Variants in CHRM2 observed in about 807,000 individuals in gnomAD.
CHRM2 encodes the protein cholinergic receptor muscarinic 2, also known as muscarinic acetylcholine receptor M2.
In CHRM2, 8 loss-of-function variants were observed where a neutral mutation model predicts 25.0. The observed-to-expected ratio is 0.32, with a 90% CI of 0.19 to 0.58. CHRM2 has a LOEUF of 0.58. Among genes scored for constraint, CHRM2 ranks in the 20% least tolerant of loss-of-function variants. The pLI is 0.88. For missense variants in CHRM2, 440 were observed against 567.1 expected (o/e 0.78, Z 2.28); for synonymous variants, 202 against 205.7 (o/e 0.98, Z 0.15).
rs965991873 is a variant in CHRM2, at chr7:136,949,801, G to A, written c.-124-42386G>A. ...GTTGCCCAGGCTGGAGTGCAGTGGCGCGATCTCGGCTCACTGCAAGCTCCA... is the reference window on the plus strand; with the variant it reads ...GTTGCCCAGGCTGGAGTGCAGTGGCACGATCTCGGCTCACTGCAAGCTCCA... On this transcript the variant is annotated intron_variant, in intron 2 of 3. Coordinates refer to ENST00000680005, the MANE Select transcript of CHRM2 (RefSeq NM_001006630.2). 5.3e-5 allele frequency among the ~76,000 whole-genome samples: 8 copies of A among 151,560 alleles called. 1 individual carries two copies. Among genetic ancestry groups the A allele is most frequent in the East Asian group, 3.9e-4 (2 of 5,158 alleles).
At chr7:136,938,352 C>CA in intron 2 of CHRM2, 1 of 1,580,108 alleles carries the variant, frequency 6.3e-7, no homozygotes. Flanking sequence ...TCTGCTGCTG[C>CA]AGGAGGCTCC....
In CHRM2 at chr7:136,917,829, A is replaced by G. The variant is rs544857247; in HGVS notation, c.-125+48411A>G. ...CTTATTGGGTAGGCTTATTAGGGTA[A>G]AGGAGTAGTTGGAATCTAGCCTAAA... On this transcript the variant is annotated intron_variant, in intron 2 of 3. Coordinates refer to ENST00000680005, the MANE Select transcript of CHRM2 (RefSeq NM_001006630.2). Among the ~76,000 whole-genome samples, 8 of 152,128 alleles carry G rather than the reference A, an allele frequency of 5.3e-5. No individual in the cohort carries two copies. In the South Asian group the frequency reaches 1.7e-3, roughly 32 times the overall value.
chr7:136,871,473 A>G (rs1045751918), intron 2 of CHRM2: 3 of 152,816 alleles, frequency 2.0e-5, no homozygotes, highest in East Asian at 1.9e-4. Flanking sequence ...GCGTCTCCCA[A>G]TGAGAGGGCT....
rs1805346311 is a variant in CHRM2 at position 137,019,899 on chromosome 7, G to A, written c.*3633G>A. ...ATGATGGCAACAATTACTCAGCAAT[G>A]CAGTCTGTTTTTATTTTCTCCTACT... On this transcript the variant is annotated 3_prime_UTR_variant, in exon 4 of 4. Coordinates refer to ENST00000680005, the MANE Select transcript of CHRM2 (RefSeq NM_001006630.2). 1 of 151,962 alleles carries A rather than the reference G, an allele frequency of 6.6e-6. No homozygotes were observed. The highest frequency in any genetic ancestry group is 2.1e-4 in the South Asian group (1 of 4,824). The allele number at this position is 151,962 out of a possible 1,614,324, so 9.4% of individuals were successfully genotyped here.
intron 2 of CHRM2, among the ~76,000 whole-genome samples, chr7:136,911,550 T>C (rs887480474): frequency 6.6e-6 from 1 of 151,936 alleles, no homozygotes; most frequent in Non-Finnish European, 1.5e-5. Context: ...AACCTTGGGC[T>C]GTATCTTCAC....
chr7:136,933,617 T>A (rs1799238800), intron 2 of CHRM2, among the ~76,000 whole-genome samples: 1 of 152,176 alleles, frequency 6.6e-6, no homozygotes, highest in Admixed American at 6.5e-5. Flanking sequence ...TGTTTGTACA[T>A]GAATGTTCAC....
At chr7:136,925,056 T>C (rs1416484725) in intron 2 of CHRM2, among the ~76,000 whole-genome samples, 2 of 152,204 alleles carry the variant, frequency 1.3e-5, no homozygotes, top group African/African-American at 4.8e-5. Flanking sequence ...TAATATAAGC[T>C]ATGATCCTTC....
intron 2 of CHRM2, among the ~76,000 whole-genome samples, chr7:136,894,574 G>A (rs530648004): frequency 2.0e-5 from 3 of 152,208 alleles, no homozygotes; most frequent in East Asian, 3.9e-4. Flanking sequence ...GTTTCGCCAT[G>A]TTGGCCAGGC....
intron 2 of CHRM2, among the ~76,000 whole-genome samples, chr7:136,921,794 C>CTTT (rs398006503): frequency 4.3e-5 from 5 of 116,532 alleles, no homozygotes; most frequent in African/African-American, 5.6e-5. Flanking sequence ...TTCTTTCTTT[C>CTTT]TTTTTTTTGA....
intron 2 of CHRM2, among the ~76,000 whole-genome samples, chr7:136,955,171 TCTC>T (rs1800648861): frequency 6.6e-6 from 1 of 152,144 alleles, no homozygotes; most frequent in Non-Finnish European, 1.5e-5. Flanking sequence ...AATATTCACC[TCTC>T]CTCCTTCTTT....
chr7:136,921,790 C>CTTTTTTTTTTTTTTTTTTTTTTTT (rs201063228), intron 2 of CHRM2, among the ~76,000 whole-genome samples: 27 of 114,058 alleles, frequency 2.4e-4, no homozygotes, highest in Admixed American at 4.5e-4. Context: ...TTCTTTCTTT[C>CTTTTTTTTTTTTTTTTTTTTTTTT]TTTCTTTTTT....
At chr7:136,937,732 T>C (rs1451242505) in intron 2 of CHRM2, among the ~76,000 whole-genome samples, 1 of 152,210 alleles carries the variant, frequency 6.6e-6, no homozygotes, top group Non-Finnish European at 1.5e-5. Context: ...TTTCTTGTGA[T>C]TGACATAAAT....
chr7:137,011,498 G>A (rs1804825215), intron 3 of CHRM2, among the ~76,000 whole-genome samples: 1 of 152,036 alleles, frequency 6.6e-6, no homozygotes, highest in Non-Finnish European at 1.5e-5. Flanking sequence ...CAGTTTCCAA[G>A]ACAGATCAAG....
Position 137,016,405 on chromosome 7 carries a change from T to C in CHRM2, c.*139T>C, listed in dbSNP as rs1415322051. The C allele has an allele frequency of 6.6e-6, 6 of 914,324 alleles. No individual in the cohort carries two copies. Among genetic ancestry groups the C allele is most frequent in the South Asian group, 1.5e-5 (1 of 64,696 alleles). 56.6% of individuals were successfully genotyped at this position (914,324 alleles called of 1,614,324 possible). A position where few individuals can be genotyped will look rare whatever the true frequency, so the allele number is the denominator to read the frequency against. Reference sequence around the variant, plus strand: ...AACGTGCAATTCAGGAGCCCAGCAGTGACACACTTATCACGCCTAGGCTCC... The same window carrying C: ...AACGTGCAATTCAGGAGCCCAGCAGCGACACACTTATCACGCCTAGGCTCC... On this transcript the variant is annotated 3_prime_UTR_variant, in exon 4 of 4. Coordinates refer to ENST00000680005, the MANE Select transcript of CHRM2 (RefSeq NM_001006630.2).
intron 2 of CHRM2, among the ~76,000 whole-genome samples, chr7:136,888,638 CTTAAT>C (rs1330967633): frequency 1.3e-5 from 2 of 152,064 alleles, no homozygotes; most frequent in African/African-American, 2.4e-5. Context: ...CATGATTCCC[CTTAAT>C]TTAACATGGA....
At chr7:136,958,219 A>AGAAG (rs1800839295) in intron 2 of CHRM2, among the ~76,000 whole-genome samples, 1 of 152,200 alleles carries the variant, frequency 6.6e-6, no homozygotes, top group Non-Finnish European at 1.5e-5. Context: ...TGGTAAGAGA[A>AGAAG]GAAGGAATCC....
chr7:136,979,678 C>G (rs754854598), intron 2 of CHRM2, among the ~76,000 whole-genome samples: 1 of 152,162 alleles, frequency 6.6e-6, no homozygotes, highest in Non-Finnish European at 1.5e-5. Context: ...AGCCAGTTTT[C>G]CCAACACCAT....
chr7:136,884,189 G>A (rs192448321), intron 2 of CHRM2, among the ~76,000 whole-genome samples: 1 of 152,228 alleles, frequency 6.6e-6, no homozygotes, highest in Non-Finnish European at 1.5e-5. Flanking sequence ...GCTGAAGAAA[G>A]TATGATGGAT....
Position 136,921,794 on chromosome 7 carries a change from C to CTTTTT in CHRM2, c.-125+52380_-125+52384dup, listed in dbSNP as rs398006503. Among the ~76,000 whole-genome samples the CTTTTT allele has an allele frequency of 6.1e-4, 71 of 116,624 alleles. 3 individuals carry two copies. Among genetic ancestry groups the CTTTTT allele is most frequent in the African/African-American group, 1.4e-3 (51 of 36,112 alleles). 76.5% of individuals were successfully genotyped at this position (116,624 alleles called of 152,430 possible). A position where few individuals can be genotyped will look rare whatever the true frequency, so the allele number is the denominator to read the frequency against. ...TCTTTCTTTCTTTCTTTCTTTCTTT[C>CTTTTT]TTTTTTTTGAGACAGATTCTCACTC... On this transcript the variant is annotated intron_variant, in intron 2 of 3. Coordinates refer to ENST00000680005, the MANE Select transcript of CHRM2 (RefSeq NM_001006630.2).
Sources: allele counts gnomAD v4.1 joint callset (sites outside exome capture counted in the v4.1 genomes callset), GRCh38; gene constraint gnomAD v4.1.1; transcripts MANE v1.5; gene names NCBI Gene and HGNC (gene_info 2026-07-23, HGNC 2026-07-21).